Variants in RAPGEF4 observed in about 807,000 individuals in gnomAD.
RAPGEF4 encodes RAP guanine-nucleotide-exchange factor (GEF) 4.
In RAPGEF4, 66 loss-of-function variants were observed where a neutral mutation model predicts 147.9. The ratio of observed to expected loss-of-function variants is 0.45; its 90% CI spans 0.37 to 0.55. The LOEUF (loss-of-function observed/expected upper bound fraction) is 0.55. Ranked by LOEUF, RAPGEF4 falls within the 20% of genes least tolerant of loss-of-function variation. The probability of loss-of-function intolerance (pLI) is 0.00; values close to 1 mark genes in which losing one functional copy is unlikely to be tolerated. For synonymous variants in RAPGEF4, 419 were observed against 442.7 expected (o/e 0.95, Z 0.67); for missense variants, 1,071 against 1,257.3 (o/e 0.85, Z 2.24).
intron 6 of RAPGEF4, among the ~76,000 whole-genome samples, chr2:172,951,083 C>G (rs561386747): frequency 5.9e-5 from 9 of 152,316 alleles, no homozygotes; most frequent in Non-Finnish European, 2.9e-5. Context: ...TTAAAATTTG[C>G]AAAGCACTGA....
At chr2:173,011,188 A>G (rs979161365) in intron 17 of RAPGEF4, among the ~76,000 whole-genome samples, 3 of 151,820 alleles carry the variant, frequency 2.0e-5, no homozygotes, top group African/African-American at 4.8e-5. Context: ...ACACACACAC[A>G]CACACACACA....
At chr2:172,846,061 C>G (rs1324598513) in intron 4 of RAPGEF4, among the ~76,000 whole-genome samples, 1 of 152,190 alleles carries the variant, frequency 6.6e-6, no homozygotes, top group Non-Finnish European at 1.5e-5. Flanking sequence ...GCTTATGACT[C>G]CCTTTGCAAA....
chr2:172,799,867 T>C (rs998035189), intron 3 of RAPGEF4, among the ~76,000 whole-genome samples: 2 of 152,162 alleles, frequency 1.3e-5, no homozygotes, highest in African/African-American at 4.8e-5. Flanking sequence ...ACACACCAGA[T>C]GTGAAAGCTG....
At chr2:172,908,488 G>A (rs1315886926) in intron 4 of RAPGEF4, among the ~76,000 whole-genome samples, 8 of 152,196 alleles carry the variant, frequency 5.3e-5, no homozygotes, top group Non-Finnish European at 1.2e-4. Context: ...CACAACCATA[G>A]AAGTCATCTT....
At position 172,735,936 on chromosome 2, in the gene RAPGEF4, A is replaced by G; in HGVS notation, c.-48A>G. 2 of 1,408,686 alleles carry G rather than the reference A, an allele frequency of 1.4e-6. No individual in the cohort carries two copies. The highest frequency in any genetic ancestry group is 2.8e-5 in the South Asian group (2 of 71,536). 87.3% of individuals were successfully genotyped at this position (1,408,686 alleles called of 1,614,324 possible). A position where few individuals can be genotyped will look rare whatever the true frequency, so the allele number is the denominator to read the frequency against. Reference sequence around the variant, plus strand: ...CGGGGGCGGAGGCGCAGGCAGAGCGAGCGCGGGAGGTCGCCGCAGCCAGGG... The same window carrying G: ...CGGGGGCGGAGGCGCAGGCAGAGCGGGCGCGGGAGGTCGCCGCAGCCAGGG... On this transcript the variant is annotated 5_prime_UTR_variant, in exon 1 of 31. Transcript: ENST00000397081.
intron 4 of RAPGEF4, among the ~76,000 whole-genome samples, chr2:172,868,639 A>G (rs1209542658): frequency 1.3e-5 from 2 of 152,240 alleles, no homozygotes. Context: ...ACCTGACAGT[A>G]CTTATTAATT....
chr2:172,906,710 A>C (rs1351326554), intron 4 of RAPGEF4, among the ~76,000 whole-genome samples: 1 of 152,162 alleles, frequency 6.6e-6, no homozygotes, highest in Admixed American at 6.5e-5. Flanking sequence ...AGCTTGGAGA[A>C]CACCCAGAAA....
At chr2:172,919,325 C>T (rs918142138) in intron 5 of RAPGEF4, among the ~76,000 whole-genome samples, 8 of 152,250 alleles carry the variant, frequency 5.3e-5, no homozygotes, top group South Asian at 4.2e-4. Flanking sequence ...AGTCACTCTT[C>T]GACCCCTCAA....
chr2:173,040,294 C>T (rs1211660784), intron 29 of RAPGEF4, among the ~76,000 whole-genome samples: 1 of 152,138 alleles, frequency 6.6e-6, no homozygotes, highest in Non-Finnish European at 1.5e-5. Flanking sequence ...GTGCATGTTG[C>T]CAGGTTTCCA....
intron 23 of RAPGEF4, among the ~76,000 whole-genome samples, chr2:173,025,398 G>C (rs1304070057): frequency 2.0e-5 from 3 of 152,114 alleles, no homozygotes; most frequent in Non-Finnish European, 4.4e-5. Context: ...TTCTGACATG[G>C]ATAGTATCTA....
At chr2:172,757,387 T>C (rs1311628663) in intron 1 of RAPGEF4, among the ~76,000 whole-genome samples, 1 of 152,210 alleles carries the variant, frequency 6.6e-6, no homozygotes, top group African/African-American at 2.4e-5. Context: ...ATTTATGATT[T>C]TGAAGTATGT....
intron 1 of RAPGEF4, among the ~76,000 whole-genome samples, chr2:172,750,772 A>G (rs1266569199): frequency 2.0e-5 from 3 of 152,088 alleles, no homozygotes; most frequent in African/African-American, 7.2e-5. Flanking sequence ...CCTGTTCACC[A>G]TTTGTTTGTC....
intron 4 of RAPGEF4, among the ~76,000 whole-genome samples, chr2:172,904,987 T>G (rs1292334247): frequency 6.6e-6 from 1 of 151,984 alleles, no homozygotes; most frequent in Non-Finnish European, 1.5e-5. Context: ...CTGGCCCCTG[T>G]GTGCTGAGGC....
chr2:172,885,458 A>G lies in RAPGEF4; in HGVS notation c.445-32344A>G, dbSNP rs184795872. ...GTCGCCCTGTGTATTAGTCCATTTCATGCTGCTGATAAAGACATACCTGAG... is the reference window on the plus strand; with the variant it reads ...GTCGCCCTGTGTATTAGTCCATTTCGTGCTGCTGATAAAGACATACCTGAG... On this transcript the variant is annotated intron_variant, in intron 4 of 30. Transcript: ENST00000397081. Among the ~76,000 whole-genome samples, 195 of 152,262 alleles carry G rather than the reference A, an allele frequency of 1.3e-3. 1 individual carries two copies. The highest frequency in any genetic ancestry group is 4.4e-3 in the African/African-American group (184 of 41,548).
chr2:172,939,300 T>C (rs1394575392), intron 6 of RAPGEF4, among the ~76,000 whole-genome samples: 1 of 152,222 alleles, frequency 6.6e-6, no homozygotes, highest in African/African-American at 2.4e-5. Flanking sequence ...AGAGTTCCTT[T>C]GTTCTGCATC....
intron 10 of RAPGEF4, among the ~76,000 whole-genome samples, chr2:172,970,457 G>A (rs1690351202): frequency 6.6e-6 from 1 of 152,138 alleles, no homozygotes; most frequent in Admixed American, 6.5e-5. Flanking sequence ...TTTAAACTCA[G>A]CACGGCTGCA....
intron 4 of RAPGEF4, among the ~76,000 whole-genome samples, chr2:172,870,851 G>A (rs1467672213): frequency 6.6e-6 from 1 of 152,138 alleles, no homozygotes; most frequent in East Asian, 1.9e-4. Context: ...TATGGATTTT[G>A]CTAGGAGAAT....
At chr2:172,818,175 G>A (rs1298551173) in intron 4 of RAPGEF4, among the ~76,000 whole-genome samples, 1 of 151,590 alleles carries the variant, frequency 6.6e-6, no homozygotes, top group Non-Finnish European at 1.5e-5. Context: ...TGGACTTTGG[G>A]GACTTGGGGG....
At chr2:173,001,429 G>A in intron 17 of RAPGEF4, 85 bp downstream of exon 17, 3 of 1,545,034 alleles carry the variant, frequency 1.9e-6, no homozygotes, top group Non-Finnish European at 2.7e-6. Context: ...ATCTTCTGCA[G>A]GTAAGTCATG....
Sources: allele counts gnomAD v4.1 joint callset (sites outside exome capture counted in the v4.1 genomes callset), GRCh38; gene constraint gnomAD v4.1.1; transcripts MANE v1.5; gene names NCBI Gene and HGNC (gene_info 2026-07-23, HGNC 2026-07-21).